Variants in BANP observed in about 807,000 individuals in gnomAD.
BANP encodes the protein BTG3 associated nuclear protein, also known as protein BANP.
Under a neutral mutation model 68.1 loss-of-function variants are expected in BANP, and 11 were observed. That is an observed-to-expected ratio of 0.16 (90% CI 0.10 to 0.27). BANP has a LOEUF of 0.27. BANP is among the 10% of genes least tolerant of loss of function. The pLI is 1.00. For missense variants in BANP, 504 were observed against 722.7 expected, an observed-to-expected ratio of 0.70 and a Z score of 3.47; for synonymous variants, 329 against 303.2, an observed-to-expected ratio of 1.09 and a Z score of -0.88.
chr16:88,046,006 C>T (rs898508700), intron 11 of BANP, among the ~76,000 whole-genome samples: 2 of 152,214 alleles, frequency 1.3e-5, no homozygotes, highest in Non-Finnish European at 2.9e-5. Context: ...TGGCAGGTGC[C>T]GTCCACACTC....
At chr16:88,063,415 A>G (rs2087483013) in intron 11 of BANP, among the ~76,000 whole-genome samples, 2 of 152,196 alleles carry the variant, frequency 1.3e-5, no homozygotes, top group Admixed American at 6.5e-5. Flanking sequence ...ATAGGAATTC[A>G]GTGTTTCATT....
chr16:88,068,947 C>T (rs1197838703), intron 12 of BANP, among the ~76,000 whole-genome samples: 1 of 151,234 alleles, frequency 6.6e-6, no homozygotes, highest in South Asian at 2.1e-4. Flanking sequence ...CTTGCTCTCT[C>T]TTTCCTGCCC....
intron 3 of BANP, 107 bp downstream of exon 3, chr16:87,981,234 G>A (rs1295960068): frequency 4.8e-6 from 4 of 824,862 alleles, no homozygotes; most frequent in African/African-American, 1.7e-5. Context: ...CCTCTCAGCT[G>A]TGGAGGCCAG....
At chr16:87,985,377 G>C (rs984601873) in intron 4 of BANP, among the ~76,000 whole-genome samples, 9 of 152,188 alleles carry the variant, frequency 5.9e-5, no homozygotes, top group Admixed American at 5.9e-4. Flanking sequence ...CCTTCACCCT[G>C]CACAAATGCT....
intron 1 of BANP, among the ~76,000 whole-genome samples, chr16:87,963,896 C>T (rs2059609808): frequency 6.6e-6 from 1 of 152,204 alleles, no homozygotes; most frequent in Non-Finnish European, 1.5e-5. Context: ...TTTTAGTCCT[C>T]TTTTAATGGC....
chr16:87,993,567 A>G (rs1598217419), intron 4 of BANP, among the ~76,000 whole-genome samples: 1 of 148,240 alleles, frequency 6.7e-6, no homozygotes, highest in African/African-American at 2.5e-5. Flanking sequence ...TTCCCTCTTC[A>G]TTGTAGGTGT....
intron 3 of BANP, among the ~76,000 whole-genome samples, chr16:87,982,078 G>A (rs542995710): frequency 1.3e-5 from 2 of 152,338 alleles, no homozygotes; most frequent in Admixed American, 1.3e-4. Flanking sequence ...CAAATAAATT[G>A]ACTGTAAAAT....
rs2063817839 is a variant in BANP at position 87,984,103 on chromosome 16, A to G, written c.206A>G (p.Asp69Gly). The G allele has an allele frequency of 6.2e-7, 1 of 1,613,880 alleles. No individual in the cohort carries two copies. Among genetic ancestry groups the G allele is most frequent in the African/African-American group, 1.3e-5 (1 of 74,892 alleles). ...AACCAGACAATCTGCTTGCGGTTGGATAGCATTGAAGCCAAATTGCAAGCC... is the reference window on the plus strand; with the variant it reads ...AACCAGACAATCTGCTTGCGGTTGGGTAGCATTGAAGCCAAATTGCAAGCC... ...SINQTICLRL[D>G]SIEAKLQALE... The change falls in exon 4 of 14, where the codon GAT (aspartate) becomes GGT (glycine). Residue 69 changes from aspartate (D) to glycine (G), a missense_variant. Asp to Gly is a moderately conservative substitution (Grantham distance 94, BLOSUM62 -1). Around this residue, in one of 3 missense-constraint regions of BANP, gnomAD observed 238 missense variants for 278.9 expected, o/e 0.85. Coordinates refer to ENST00000682872, the MANE Select transcript of BANP (RefSeq NM_001386991.1).
At chr16:88,060,482 C>A (rs569538179) in intron 11 of BANP, among the ~76,000 whole-genome samples, 1 of 152,316 alleles carries the variant, frequency 6.6e-6, no homozygotes, top group South Asian at 2.1e-4. Context: ...TTAGTGGGAA[C>A]GTTGGAGCAC....
intron 1 of BANP, among the ~76,000 whole-genome samples, chr16:87,956,374 CTG>C (rs2058050752): frequency 6.6e-6 from 1 of 152,200 alleles, no homozygotes; most frequent in Admixed American, 6.5e-5. Flanking sequence ...AGATAAACAT[CTG>C]TATTTTCTCT....
intron 11 of BANP, among the ~76,000 whole-genome samples, chr16:88,063,367 C>T (rs1323062273): frequency 1.3e-5 from 2 of 152,346 alleles, no homozygotes; most frequent in African/African-American, 2.4e-5. Flanking sequence ...TCCTCCCTGC[C>T]CTTCCACGTG....
intron 7 of BANP, among the ~76,000 whole-genome samples, chr16:88,024,065 G>C (rs1217815133): frequency 6.6e-6 from 1 of 152,244 alleles, no homozygotes; most frequent in East Asian, 1.9e-4. Flanking sequence ...CGCTGCTGCA[G>C]GGGAGACTTC....
intron 10 of BANP, among the ~76,000 whole-genome samples, chr16:88,035,672 G>A (rs1161249732): frequency 1.3e-5 from 2 of 152,328 alleles, no homozygotes; most frequent in Admixed American, 6.5e-5. Context: ...AGTGCCCTCT[G>A]AGTACCCTTC....
At chr16:88,076,229 A>G (rs1213382602) in intron 13 of BANP, among the ~76,000 whole-genome samples, 1 of 152,212 alleles carries the variant, frequency 6.6e-6, no homozygotes, top group East Asian at 1.9e-4. Flanking sequence ...TCAGGGAAAT[A>G]TCTTCGGGAG....
rs1053569691 is a variant in BANP at position 88,057,887 on chromosome 16, G to GT, written c.1312-7379dup. On this transcript the variant is annotated intron_variant, in intron 11 of 13. Transcript: ENST00000682872. The surrounding 1 kb of genome is among the most constrained non-coding windows in gnomAD (Gnocchi z 4.6). ...CAGCGAGCACTTTCCGGACAGTGCG[G>GT]TGCGGGGCAGCGAGTGGCCGCCTGT... is the stretch of plus-strand genomic sequence containing the variant. Among the ~76,000 whole-genome samples the GT allele has an allele frequency of 2.0e-5, 3 of 152,156 alleles. No individual in the cohort carries two copies. The highest frequency in any genetic ancestry group is 1.3e-4 in the Admixed American group (2 of 15,280).
At position 88,004,647 on chromosome 16, in the gene BANP, C is replaced by T. The variant is rs1456947488; in HGVS notation, c.479+236C>T. Reference sequence around the variant, plus strand: ...GCTGCCGCCGGGGACTTCTGTGTCTCGTGCTGGCCGGGGTTGTGGAGGGGG... The same window carrying T: ...GCTGCCGCCGGGGACTTCTGTGTCTTGTGCTGGCCGGGGTTGTGGAGGGGG... On this transcript the variant is annotated intron_variant, in intron 5 of 13. Coordinates refer to ENST00000682872, the MANE Select transcript of BANP (RefSeq NM_001386991.1). This position sits in a 1 kb window ranked among gnomAD's most constrained non-coding sequence, Gnocchi z 7.0. Among the ~76,000 whole-genome samples, 2 of 152,130 alleles carry T rather than the reference C, an allele frequency of 1.3e-5. No homozygotes were observed. The highest frequency in any genetic ancestry group is 4.8e-5 in the African/African-American group (2 of 41,436).
intron 11 of BANP, among the ~76,000 whole-genome samples, chr16:88,044,965 G>A (rs2081633843): frequency 6.6e-6 from 1 of 151,876 alleles, no homozygotes; most frequent in African/African-American, 2.4e-5. Context: ...CTGGGCAACA[G>A]AGCGCGACTC....
chr16:87,989,418 A>C lies in BANP; in HGVS notation c.362+5159A>C, dbSNP rs1400859207. ...TATGTCACATGGTCTGCAGGGATCC[A>C]GGGCACGCACATGCTCACGTTTATA... On this transcript the variant is annotated intron_variant, in intron 4 of 13. Coordinates refer to ENST00000682872, the MANE Select transcript of BANP (RefSeq NM_001386991.1). Among the ~76,000 whole-genome samples the C allele has an allele frequency of 2.6e-5, 4 of 152,248 alleles. No homozygotes were observed. The South Asian group carries it at 6.2e-4, about 24-fold the overall frequency.
intron 11 of BANP, among the ~76,000 whole-genome samples, chr16:88,054,548 C>T (rs528887406): frequency 2.6e-5 from 4 of 151,908 alleles, no homozygotes; most frequent in East Asian, 3.9e-4. Context: ...CCCTTACCTC[C>T]GCCACCCCCA....
Sources: gnomAD v4.1 joint callset for allele counts (sites outside exome capture counted in the v4.1 genomes callset) on GRCh38, gnomAD v4.1.1 for gene constraint, gnomAD v4.1.1 regional missense constraint, Gnocchi (gnomAD v3.1) non-coding constraint, MANE v1.5 for transcripts, NCBI Gene and HGNC (gene_info 2026-07-23, HGNC 2026-07-21) for gene names.